Variants in DMD observed in about 807,000 individuals in gnomAD.
DMD encodes the protein dystrophin.
In DMD, 63 loss-of-function variants were observed where a neutral mutation model predicts 330.1. The ratio of observed to expected loss-of-function variants is 0.19; its 90% confidence interval spans 0.16 to 0.24. The LOEUF is 0.24. DMD is among the 10% of genes least tolerant of loss of function. DMD has a pLI of 1.00. For missense variants in DMD, 3,344 were observed against 2,684.1 expected (o/e 1.25, Z -5.43); for synonymous variants, 1,223 against 959.8 (o/e 1.27, Z -5.07).
chrX:32,247,792 A>G (rs752902981), intron 43 of DMD, among the ~76,000 whole-genome samples: 2 of 111,217 alleles, frequency 1.8e-5, no homozygotes, highest in African/African-American at 6.5e-5. Flanking sequence ...CTTTCTGTAT[A>G]TATAAATACA....
intron 7 of DMD, among the ~76,000 whole-genome samples, chrX:32,784,894 C>CA (rs765316552): frequency 2.6e-4 from 29 of 111,355 alleles, no homozygotes; most frequent in African/African-American, 8.8e-4. Flanking sequence ...ATGCAATTTT[C>CA]AATACCTTGG....
chrX:32,501,057 A>G (rs2044003539), intron 19 of DMD, among the ~76,000 whole-genome samples: 2 of 112,320 alleles, frequency 1.8e-5, no homozygotes. Flanking sequence ...GAAATATAGT[A>G]GTATAGCAAT....
At chrX:33,222,501 G>A (rs964688732) in intron 1 of DMD, among the ~76,000 whole-genome samples, 4 of 112,257 alleles carry the variant, frequency 3.6e-5, no homozygotes, top group South Asian at 3.6e-4. Context: ...GAATGCACAC[G>A]CTCACCACTC....
At chrX:33,334,295 A>G (rs745966856) in intron 1 of DMD, among the ~76,000 whole-genome samples, 8 of 111,944 alleles carry the variant, frequency 7.1e-5, no homozygotes, top group African/African-American at 1.9e-4. Context: ...CCAAGTCTCT[A>G]GTACTTAAGT....
intron 1 of DMD, among the ~76,000 whole-genome samples, chrX:33,067,566 A>T (rs192759966): frequency 0.025 from 2,783 of 112,217 alleles, 91 homozygotes; most frequent in African/African-American, 0.085. Context: ...CGAGGCCAGG[A>T]GCGGTGGCTC....
In DMD at chrX:33,190,580, C is replaced by T. The variant is rs1185432667; in HGVS notation, c.31+20702G>A. ...TCGGCTCACTGCAAGCTCCGCTTCC[C>T]GGGTTCACGCCATTCTCCTGCCTCA... is the stretch of plus-strand genomic sequence containing the variant. On this transcript the variant is annotated intron_variant, in intron 1 of 78. Transcript: ENST00000357033. 1.4e-4 allele frequency among the ~76,000 whole-genome samples: 3 copies of T among 21,776 alleles called. 1 individual carries two copies. Among genetic ancestry groups the T allele is most frequent in the African/African-American group, 2.3e-4 (3 of 13,285 alleles). The allele number at this position is 21,776 out of a possible 115,157, so 18.9% of individuals were successfully genotyped here. A position where few individuals can be genotyped will look rare whatever the true frequency, so the allele number is the denominator to read the frequency against.
intron 63 of DMD, among the ~76,000 whole-genome samples, chrX:31,242,603 C>T (rs773176156): frequency 9.2e-4 from 102 of 110,524 alleles, no homozygotes; most frequent in Middle Eastern, 4.2e-3. Flanking sequence ...ATTTTATTTC[C>T]CCCAAAACAC....
At chrX:32,345,867 T>C in intron 39 of DMD, 76 bp downstream of exon 39, 1 of 1,086,687 alleles carries the variant, frequency 9.2e-7, no homozygotes, top group Non-Finnish European at 1.3e-6. Context: ...CAGATTTTAT[T>C]AATGCACATT....
intron 2 of DMD, among the ~76,000 whole-genome samples, chrX:32,969,154 G>GTGACTT (rs2092293648): frequency 9.4e-6 from 1 of 106,937 alleles, no homozygotes; most frequent in Non-Finnish European, 1.9e-5. Flanking sequence ...TAACATGCTG[G>GTGACTT]TGACTTTTGG....
At position 32,256,768 on chromosome X, in the gene DMD, A is replaced by T. The variant is rs1477674432; in HGVS notation, c.6290+30761T>A. Among the ~76,000 whole-genome samples, 3 of 111,383 alleles carry T rather than the reference A, an allele frequency of 2.7e-5. No individual in the cohort carries two copies. In the East Asian group the frequency reaches 8.5e-4, roughly 32 times the overall value. On this transcript the variant is annotated intron_variant, in intron 43 of 78. Coordinates refer to ENST00000357033, the MANE Select transcript of DMD (RefSeq NM_004006.3). ...AAAGGATTTTATTTCTCCTTTGCTT[A>T]TGAAACTTAGTTTGGCTGGATATGA...
rs1451110924 is a variant in DMD at position 32,746,332 on chromosome X, G to A, written c.650-47039C>T. 1.3e-4 allele frequency among the ~76,000 whole-genome samples: 14 copies of A among 111,050 alleles called. No individual in the cohort carries two copies. The East Asian group carries it at 1.4e-3, about 11-fold the overall frequency. ...GAAAGTATATGGAAACTATGTTCACGTTTTTTATTTTTCAAGAAAATCTAC... is the reference window on the plus strand; with the variant it reads ...GAAAGTATATGGAAACTATGTTCACATTTTTTATTTTTCAAGAAAATCTAC... On this transcript the variant is annotated intron_variant, in intron 7 of 78. Transcript: ENST00000357033.
intron 2 of DMD, among the ~76,000 whole-genome samples, chrX:32,975,241 A>G (rs1283860530): frequency 9.0e-6 from 1 of 110,711 alleles, no homozygotes; most frequent in Non-Finnish European, 1.9e-5. Context: ...GTCTTGATGG[A>G]CTATTAACAG....
chrX:32,291,411 A>G (rs1198608949), intron 42 of DMD, among the ~76,000 whole-genome samples: 1 of 111,956 alleles, frequency 8.9e-6, no homozygotes, highest in East Asian at 2.8e-4. Flanking sequence ...ATATTCTCTC[A>G]TGAGAACTTT....
chrX:33,073,627 TC>T, intron 1 of DMD, among the ~76,000 whole-genome samples: 1 of 110,550 alleles, frequency 9.0e-6, no homozygotes, highest in Non-Finnish European at 1.9e-5. Flanking sequence ...GGTCAGGAGT[TC>T]GAGACCAGCC....
At chrX:32,783,701 T>C (rs774511554) in intron 7 of DMD, among the ~76,000 whole-genome samples, 1 of 110,989 alleles carries the variant, frequency 9.0e-6, no homozygotes, top group African/African-American at 3.3e-5. Context: ...AGAGATAATT[T>C]AATGTAAACA....
intron 13 of DMD, among the ~76,000 whole-genome samples, chrX:32,576,166 A>G (rs1400726775): frequency 8.9e-6 from 1 of 111,801 alleles, no homozygotes; most frequent in Non-Finnish European, 1.9e-5. Flanking sequence ...CATAGGGGAT[A>G]TGCTTCAAAA....
At chrX:31,922,062 C>T (rs989605891) in intron 47 of DMD, among the ~76,000 whole-genome samples, 2 of 111,699 alleles carry the variant, frequency 1.8e-5, no homozygotes, top group African/African-American at 6.5e-5. Context: ...TGACCTTCTC[C>T]TGCTCTCCTT....
chrX:33,093,409 C>A (rs1325682453), intron 1 of DMD, among the ~76,000 whole-genome samples: 1 of 112,210 alleles, frequency 8.9e-6, no homozygotes, highest in Non-Finnish European at 1.9e-5. Context: ...CAGTTTTTGT[C>A]TTGTTACTGT....
chrX:33,271,107 A>G (rs2053147112), intron 1 of DMD, among the ~76,000 whole-genome samples: 1 of 111,802 alleles, frequency 8.9e-6, no homozygotes, highest in African/African-American at 3.2e-5. Context: ...TATTGAATAT[A>G]AAGTAACTGT....
Sources: allele counts gnomAD v4.1 joint callset (sites outside exome capture counted in the v4.1 genomes callset), GRCh38; gene constraint gnomAD v4.1.1; transcripts MANE v1.5; gene names NCBI Gene and HGNC (gene_info 2026-07-23, HGNC 2026-07-21).